Variants in GPR55 observed in about 807,000 individuals in gnomAD.
The protein encoded by GPR55 is G protein-coupled receptor 55, also known as G-protein coupled receptor 55.
In GPR55, 6 loss-of-function variants were observed where a neutral mutation model predicts 7.9. The ratio of observed to expected loss-of-function variants is 0.76; its 90% CI spans 0.41 to 1.49. The LOEUF (loss-of-function observed/expected upper bound fraction) is 1.49. Ranked by LOEUF, GPR55 falls within the 40% of genes most tolerant of loss-of-function variation. The probability of loss-of-function intolerance (pLI) is 0.01; values close to 1 mark genes in which losing one functional copy is unlikely to be tolerated. For synonymous variants in GPR55, 183 were observed against 166.8 expected (o/e 1.10, Z -0.75); for missense variants, 376 against 406.0 (o/e 0.93, Z 0.63).
Position 230,911,000 on chromosome 2 carries a change from C to T in GPR55, c.-38G>A, listed in dbSNP as rs776170631. The T allele has an allele frequency of 1.3e-6, 2 of 1,555,828 alleles. No homozygotes were observed. The highest frequency in any genetic ancestry group is 1.4e-5 in the African/African-American group (1 of 73,688). On this transcript the variant is annotated 5_prime_UTR_variant, in exon 2 of 2. Coordinates refer to ENST00000650999, the MANE Select transcript of GPR55 (RefSeq NM_005683.4). The surrounding 1 kb of genome is among the most constrained non-coding windows in gnomAD (Gnocchi z 5.4). ...AACACCAACAGATCAGACGGGGCTC[C>T]TTTCACTCTCTTGAAGTGATGGATT... is the stretch of plus-strand genomic sequence containing the variant.
Position 230,910,089 on chromosome 2 carries a change from T to C in GPR55, c.874A>G (p.Ile292Val), listed in dbSNP as rs747363166. 3.1e-6 allele frequency: 5 copies of C among 1,614,048 alleles called. No homozygotes were observed. Among genetic ancestry groups the C allele is most frequent in the Non-Finnish European group, 4.2e-6 (5 of 1,180,028 alleles). The change falls in exon 2 of 2, where the codon ATC becomes GTC. Residue 292 changes from isoleucine (I) to valine (V), a missense_variant. Physicochemically the swap from Ile to Val is conservative, Grantham distance 29 (BLOSUM62 3). Transcript: ENST00000650999. The surrounding 1 kb of genome is among the most constrained non-coding windows in gnomAD (Gnocchi z 5.4). ...CLDVFCYYFVIKEFRMNIRAH... is the reference protein window; with the variant it reads ...CLDVFCYYFVVKEFRMNIRAH... ...CTGATGTTCATGCGGAATTCTTTGA[T>C]GACAAAGTAGTAGCAGAAAACATCC... is the stretch of plus-strand genomic sequence containing the variant.
chr2:230,952,391 C>G (rs1691417026), intron 1 of GPR55, among the ~76,000 whole-genome samples: 1 of 152,228 alleles, frequency 6.6e-6, no homozygotes, highest in Non-Finnish European at 1.5e-5. Context: ...GTGCCTTGAA[C>G]TCTACATGAG....
At chr2:230,946,145 T>A (rs1446810198) in intron 1 of GPR55, among the ~76,000 whole-genome samples, 1 of 152,082 alleles carries the variant, frequency 6.6e-6, no homozygotes, top group Non-Finnish European at 1.5e-5. Context: ...CACTTATATG[T>A]GGAATTTAAA....
chr2:230,958,508 C>T (rs114851138), intron 1 of GPR55, among the ~76,000 whole-genome samples: 1,776 of 152,106 alleles, frequency 0.012, 30 homozygotes, highest in African/African-American at 0.039. Context: ...TTTGTTGTAC[C>T]CATTAACCAT....
upstream of GPR55, among the ~76,000 whole-genome samples, chr2:230,929,244 C>T (rs1224442132): frequency 2.0e-5 from 3 of 152,112 alleles, no homozygotes; most frequent in African/African-American, 7.2e-5. Context: ...GGAGCCTTTG[C>T]CAAGTCCCTG....
intron 1 of GPR55, among the ~76,000 whole-genome samples, chr2:230,937,174 G>T (rs1412575724): frequency 6.6e-6 from 1 of 151,716 alleles, no homozygotes; most frequent in African/African-American, 2.4e-5. Context: ...GGCTGAGGTG[G>T]GAGGATTGCT....
intron 1 of GPR55, among the ~76,000 whole-genome samples, chr2:230,958,549 C>G (rs1195110678): frequency 3.3e-5 from 5 of 152,218 alleles, no homozygotes; most frequent in African/African-American, 4.8e-5. Context: ...GCCCCCACCC[C>G]TGCAACCACC....
At position 230,924,816 on chromosome 2, in the gene GPR55, T is replaced by G. The variant is rs551767370; in HGVS notation, c.-135+352A>C. Among the ~76,000 whole-genome samples, 372 of 152,170 alleles carry G rather than the reference T, an allele frequency of 2.4e-3. 1 individual carries two copies. The highest frequency in any genetic ancestry group is 3.8e-3 in the Non-Finnish European group (256 of 67,996). On this transcript the variant is annotated intron_variant, in intron 1 of 1. Transcript: ENST00000650999. This position sits in a 1 kb window ranked among gnomAD's most constrained non-coding sequence, Gnocchi z 4.5. ...GGGCTTGGTGGAGGGCGGTGGCACGTGAGCTACATGCCCCGGGAAGGCTCC... is the reference window on the plus strand; with the variant it reads ...GGGCTTGGTGGAGGGCGGTGGCACGGGAGCTACATGCCCCGGGAAGGCTCC...
intron 1 of GPR55, among the ~76,000 whole-genome samples, chr2:230,917,001 T>G (rs1574620833): frequency 6.6e-6 from 1 of 152,196 alleles, no homozygotes; most frequent in African/African-American, 2.4e-5. Context: ...AAAAGTTCTG[T>G]GGCGATAGAA....
chr2:230,951,279 C>T (rs1691400894), intron 1 of GPR55, among the ~76,000 whole-genome samples: 2 of 152,078 alleles, frequency 1.3e-5, no homozygotes, highest in African/African-American at 2.4e-5. Flanking sequence ...CGCTGCTGTC[C>T]GCGGCTTAGT....
intron 1 of GPR55, among the ~76,000 whole-genome samples, chr2:230,915,049 T>C (rs1690677321): frequency 6.6e-6 from 1 of 152,234 alleles, no homozygotes; most frequent in South Asian, 2.1e-4. Context: ...TGAGCAAAGG[T>C]TGCCTGTTGG....
chr2:230,936,722 G>A (rs566963292), intron 1 of GPR55, among the ~76,000 whole-genome samples: 58 of 152,202 alleles, frequency 3.8e-4, no homozygotes, highest in Non-Finnish European at 6.8e-4. Context: ...CTCATGAAAG[G>A]TAGTTGTCTA....
chr2:230,911,207 CA>C (rs1462228176), intron 1 of GPR55, 111 bp from the exon 2 acceptor site: 2 of 502,808 alleles, frequency 4.0e-6, no homozygotes, highest in Non-Finnish European at 7.2e-6. Context: ...TTCTACCATA[CA>C]CACATTTTTC....
At chr2:230,958,948 T>C (rs1309720833) in intron 1 of GPR55, among the ~76,000 whole-genome samples, 1 of 152,242 alleles carries the variant, frequency 6.6e-6, no homozygotes, top group Non-Finnish European at 1.5e-5. Context: ...TCTTGGTTTA[T>C]AACTGTCATA....
At chr2:230,957,788 G>A (rs920687727) in intron 1 of GPR55, 70 of 555,888 alleles carry the variant, frequency 1.3e-4, no homozygotes, top group African/African-American at 5.7e-4. Flanking sequence ...GGAGTAGGAG[G>A]ATTTATCTTG....
intron 1 of GPR55, among the ~76,000 whole-genome samples, chr2:230,921,722 C>G (rs890361849): frequency 1.3e-5 from 2 of 152,170 alleles, no homozygotes; most frequent in African/African-American, 4.8e-5. Flanking sequence ...CTCAAAGATC[C>G]TGGAAGTGGA....
chr2:230,916,991 A>C (rs944473460), intron 1 of GPR55, among the ~76,000 whole-genome samples: 5 of 152,264 alleles, frequency 3.3e-5, no homozygotes, highest in Non-Finnish European at 7.3e-5. Flanking sequence ...TGTTCCACAT[A>C]AAAGTTCTGT....
In GPR55 at chr2:230,953,388, G is replaced by A. The variant is rs185972197; in HGVS notation, c.-135+7387C>T. ...GAGAGTAGGGCAGAAGAGACAGAGG[G>A]ATAGGATGTGAGAAGGACTCAACCC... On this transcript the variant is annotated intron_variant, in intron 1 of 1. Coordinates refer to the GPR55 transcript ENST00000392039. Among the ~76,000 whole-genome samples, 8 of 152,298 alleles carry A rather than the reference G, an allele frequency of 5.3e-5. No homozygotes were observed. In the East Asian group the frequency reaches 1.5e-3, roughly 29 times the overall value.
rs1691285586 is a variant in GPR55, at chr2:230,944,801, G to A, written c.-135+15974C>T. 6.6e-6 allele frequency among the ~76,000 whole-genome samples: 1 copy of A among 152,194 alleles called. No individual in the cohort carries two copies. Among genetic ancestry groups the A allele is most frequent in the South Asian group, 2.1e-4 (1 of 4,838 alleles). ...TCCTGATTCTTCAGGCCTGGCCACG[G>A]TATCAAAGACAAGGAAGGCCCATTG... On this transcript the variant is annotated intron_variant, in intron 1 of 1. Transcript: ENST00000392039. This position sits in a 1 kb window ranked among gnomAD's most constrained non-coding sequence, Gnocchi z 4.2.
Sources: allele counts gnomAD v4.1 joint callset (sites outside exome capture counted in the v4.1 genomes callset), GRCh38; gene constraint gnomAD v4.1.1; non-coding constraint Gnocchi (gnomAD v3.1); transcripts MANE v1.5; gene names NCBI Gene and HGNC (gene_info 2026-07-23, HGNC 2026-07-21).